The following RALGAPA1 variants were observed in gnomAD, a reference collection of about 807,000 sequenced individuals.
RALGAPA1 encodes the protein ral GTPase-activating protein subunit alpha-1.
In RALGAPA1, 52 loss-of-function variants were observed where a neutral mutation model predicts 269.6. The ratio of observed to expected loss-of-function variants is 0.19; its 90% CI spans 0.15 to 0.24. The LOEUF (loss-of-function observed/expected upper bound fraction) is 0.24, where lower values mean the gene tolerates loss of function less well. Ranked by LOEUF, RALGAPA1 falls within the 10% of genes least tolerant of loss-of-function variation. The probability of loss-of-function intolerance (pLI) is 1.00; values close to 1 mark genes in which losing one functional copy is unlikely to be tolerated. For synonymous variants in RALGAPA1, 817 were observed against 1,008.3 expected (o/e 0.81, Z 3.60); for missense variants, 1,917 against 3,013.9 (o/e 0.64, Z 8.52).
At chr14:35,678,140 T>G in intron 21 of RALGAPA1, 38 bp from the exon 22 acceptor site, 1 of 1,567,132 alleles carries the variant, frequency 6.4e-7, no homozygotes, top group Non-Finnish European at 8.6e-7. Flanking sequence ...ATAAAGAGTA[T>G]TCAATATCCT....
At position 35,555,757 on chromosome 14, in the gene RALGAPA1, T is replaced by C. The variant is rs149741525; in HGVS notation, c.7497-6523A>G. ...TGGAGAGTACAGAGATTTGCTTGGA[T>C]AAACAAAGCTGCTGATGGATAGAGC... On this transcript the variant is annotated intron_variant, in intron 39 of 41. Transcript: ENST00000680220. Among the ~76,000 whole-genome samples, 1,209 of 152,280 alleles carry C rather than the reference T, an allele frequency of 7.9e-3. 6 individuals are homozygous for C. Among genetic ancestry groups the C allele is most frequent in the Admixed American group, 0.012 (177 of 15,296 alleles).
chr14:35,655,939 G>C (rs549407011), intron 28 of RALGAPA1, 24 bp from the exon 29 acceptor site: 3 of 1,611,794 alleles, frequency 1.9e-6, no homozygotes, highest in Admixed American at 3.4e-5. Flanking sequence ...AAACAACAAC[G>C]GTTACATAAA....
intron 36 of RALGAPA1, among the ~76,000 whole-genome samples, chr14:35,601,426 C>G (rs2059284908): frequency 6.6e-6 from 1 of 152,162 alleles, no homozygotes; most frequent in African/African-American, 2.4e-5. Context: ...AGATGGAAGT[C>G]TAGGCTCCTT....
At chr14:35,681,388 T>C (rs1430399792) in intron 21 of RALGAPA1, among the ~76,000 whole-genome samples, 1 of 152,090 alleles carries the variant, frequency 6.6e-6, no homozygotes, top group South Asian at 2.1e-4. Flanking sequence ...CTACATAGAG[T>C]AAATATAGGT....
intron 17 of RALGAPA1, among the ~76,000 whole-genome samples, chr14:35,699,848 A>G (rs2067199086): frequency 1.3e-5 from 2 of 151,402 alleles, no homozygotes; most frequent in Admixed American, 6.6e-5. Context: ...ATAAATGTAT[A>G]CTACTACTTC....
chr14:35,709,869 T>C (rs964523064), intron 16 of RALGAPA1, among the ~76,000 whole-genome samples: 2 of 152,218 alleles, frequency 1.3e-5, no homozygotes, highest in Non-Finnish European at 2.9e-5. Context: ...CATCGATTTA[T>C]AGTTAAATCC....
intron 11 of RALGAPA1, among the ~76,000 whole-genome samples, chr14:35,741,364 T>C (rs552018885): frequency 1.3e-5 from 2 of 152,258 alleles, no homozygotes; most frequent in South Asian, 4.1e-4. Context: ...ATAATTCATA[T>C]GGTTAATTTT....
intron 10 of RALGAPA1, among the ~76,000 whole-genome samples, chr14:35,744,108 A>T (rs2071819010): frequency 6.6e-6 from 1 of 152,142 alleles, no homozygotes; most frequent in East Asian, 1.9e-4. Flanking sequence ...GCGGTGGCTC[A>T]CGCCTGTAAT....
At chr14:35,745,875 AG>A (rs1375979852) in intron 10 of RALGAPA1, among the ~76,000 whole-genome samples, 2 of 152,010 alleles carry the variant, frequency 1.3e-5, no homozygotes, top group African/African-American at 4.8e-5. Context: ...GCTTTAGGCA[AG>A]GACTTAGAGA....
intron 36 of RALGAPA1, 77 bp downstream of exon 36, chr14:35,605,509 A>G (rs1326137203): frequency 2.1e-6 from 3 of 1,416,822 alleles, no homozygotes; most frequent in African/African-American, 1.5e-5. Context: ...TAATACTTCT[A>G]TAATAAGCTA....
chr14:35,658,428 T>A (rs112370021), intron 28 of RALGAPA1, among the ~76,000 whole-genome samples: 37 of 152,130 alleles, frequency 2.4e-4, no homozygotes, highest in African/African-American at 8.4e-4. Flanking sequence ...AAACAGGAGC[T>A]TTGCAGAGAT....
intron 3 of RALGAPA1, among the ~76,000 whole-genome samples, chr14:35,771,793 C>G (rs2074648805): frequency 6.6e-6 from 1 of 151,818 alleles, no homozygotes; most frequent in African/African-American, 2.4e-5. Context: ...GCCTCAGTCT[C>G]CCAACAAGGT....
intron 16 of RALGAPA1, among the ~76,000 whole-genome samples, chr14:35,705,423 A>G (rs1021795723): frequency 1.3e-5 from 2 of 151,838 alleles, no homozygotes. Flanking sequence ...TATATTTGAA[A>G]TCATACAGTA....
At chr14:35,645,303 C>T (rs1239153919) in intron 31 of RALGAPA1, among the ~76,000 whole-genome samples, 3 of 148,892 alleles carry the variant, frequency 2.0e-5, no homozygotes, top group Admixed American at 6.7e-5. Flanking sequence ...ATATGAACTT[C>T]GGGAGAGACA....
intron 1 of RALGAPA1, among the ~76,000 whole-genome samples, chr14:35,780,118 T>A (rs564127402): frequency 1.6e-4 from 24 of 148,230 alleles, no homozygotes; most frequent in African/African-American, 4.1e-4. Context: ...AAAAAAAAAA[T>A]TATTGCTAGA....
At chr14:35,616,080 A>G (rs1341074568) in intron 35 of RALGAPA1, among the ~76,000 whole-genome samples, 1 of 152,132 alleles carries the variant, frequency 6.6e-6, no homozygotes, top group Non-Finnish European at 1.5e-5. Flanking sequence ...GACAGAGTTG[A>G]GAGATAAAAA....
chr14:35,723,008 C>G lies in RALGAPA1; in HGVS notation c.2104+19G>C, dbSNP rs1447134446. ...ATTTAAACAAATTTATATAGAGCAT[C>G]TCTATGAACAATTCTTACCTTTCCC... On this transcript the variant is annotated intron_variant, in intron 15 of 41. Transcript: ENST00000680220. The G allele has an allele frequency of 6.6e-7, 1 of 1,508,172 alleles. No individual in the cohort carries two copies. Among genetic ancestry groups the G allele is most frequent in the Non-Finnish European group, 9.2e-7 (1 of 1,088,396 alleles). 93.4% of individuals were successfully genotyped at this position (1,508,172 alleles called of 1,614,324 possible).
intron 37 of RALGAPA1, among the ~76,000 whole-genome samples, chr14:35,592,528 C>A (rs2058698918): frequency 6.6e-6 from 1 of 152,162 alleles, no homozygotes; most frequent in Non-Finnish European, 1.5e-5. Flanking sequence ...GATCCCTAAG[C>A]TAGACAGACA....
At chr14:35,751,012 A>C (rs2072629770) in intron 8 of RALGAPA1, among the ~76,000 whole-genome samples, 1 of 152,200 alleles carries the variant, frequency 6.6e-6, no homozygotes. Flanking sequence ...TACCACTGAA[A>C]CACATAGTTT....
Sources: allele counts gnomAD v4.1 joint callset (sites outside exome capture counted in the v4.1 genomes callset), GRCh38; gene constraint gnomAD v4.1.1; transcripts MANE v1.5; gene names NCBI Gene and HGNC (gene_info 2026-07-23, HGNC 2026-07-21).